MRPS25: variants seen among roughly 807,000 people sequenced by gnomAD.
MRPS25 encodes small ribosomal subunit protein mS25.
A neutral mutation model predicts 17.3 loss-of-function variants in MRPS25; 15 were observed. The observed-to-expected ratio is 0.87, with a 90% CI of 0.58 to 1.34. The LOEUF is 1.34. Ranked by LOEUF, MRPS25 falls within the 40% of genes most tolerant of loss-of-function variation. MRPS25 has a pLI of 0.00. For synonymous variants in MRPS25, 94 were observed against 83.3 expected (o/e 1.13, Z -0.70); for missense variants, 225 against 218.6 (o/e 1.03, Z -0.19).
chr3:15,046,066 T>C (rs1171653198), downstream of MRPS25: 1 of 152,246 alleles, frequency 6.6e-6, no homozygotes, highest in East Asian at 1.9e-4. Context: ...GTAATACTTT[T>C]CAAGTTACTC....
In MRPS25 at chr3:15,051,277, G is replaced by T. The variant is rs1055047329; in HGVS notation, c.*1164C>A. ...CATGATTCACTGCAGCCTTGATCTCGCAGGCTCGAGATCCTCCCACCTCAG... is the reference window on the plus strand; with the variant it reads ...CATGATTCACTGCAGCCTTGATCTCTCAGGCTCGAGATCCTCCCACCTCAG... On this transcript the variant is annotated 3_prime_UTR_variant, in exon 4 of 4. Transcript: ENST00000253686. 1 of 783,778 alleles carries T rather than the reference G, an allele frequency of 1.3e-6. No homozygotes were observed. The highest frequency in any genetic ancestry group is 1.5e-6 in the Non-Finnish European group (1 of 645,874). 48.6% of individuals were successfully genotyped at this position (783,778 alleles called of 1,614,324 possible). A position where few individuals can be genotyped will look rare whatever the true frequency, so the allele number is the denominator to read the frequency against.
chr3:15,055,337 A>T (rs1253269409), intron 2 of MRPS25, among the ~76,000 whole-genome samples: 1 of 152,330 alleles, frequency 6.6e-6, no homozygotes, highest in Non-Finnish European at 1.5e-5. Flanking sequence ...ATTTAACTAA[A>T]TTTTTGTAAA....
At chr3:15,062,908 A>G (rs2042798080) in intron 1 of MRPS25, among the ~76,000 whole-genome samples, 1 of 152,136 alleles carries the variant, frequency 6.6e-6, no homozygotes, top group African/African-American at 2.4e-5. Flanking sequence ...CCTAATCTCA[A>G]GTACCCAGGG....
chr3:15,058,828 G>A (rs1559328975), intron 2 of MRPS25, among the ~76,000 whole-genome samples: 1 of 152,012 alleles, frequency 6.6e-6, no homozygotes, highest in African/African-American at 2.4e-5. Context: ...GTTTTCCAGC[G>A]TGGAGCCAAA....
In MRPS25 at chr3:15,063,062, AG is replaced by A. The variant is rs1173472713; in HGVS notation, c.134+1998del. Among the ~76,000 whole-genome samples, 7 of 151,956 alleles carry A rather than the reference AG, an allele frequency of 4.6e-5. No individual in the cohort carries two copies. The East Asian group carries it at 1.2e-3, about 25-fold the overall frequency. The stretch of plus-strand genomic sequence containing the variant: ...ATGATCAATTGAAAAAAAAAAAAAA[AG>A]AAAGTTAATAATGGCAGGAACCTTG... On this transcript the variant is annotated intron_variant, in intron 1 of 3. Coordinates refer to ENST00000253686, the MANE Select transcript of MRPS25 (RefSeq NM_022497.5).
intron 2 of MRPS25, among the ~76,000 whole-genome samples, chr3:15,058,595 G>A (rs1474478308): frequency 2.0e-5 from 3 of 152,166 alleles, no homozygotes; most frequent in Non-Finnish European, 2.9e-5. Context: ...CCCAGCCTCC[G>A]GACCAGCACC....
Position 15,051,690 on chromosome 3 carries a change from C to A in MRPS25, c.*751G>T. 1.0e-6 allele frequency: 1 copy of A among 985,762 alleles called. No homozygotes were observed. Among genetic ancestry groups the A allele is most frequent in the Non-Finnish European group, 1.2e-6 (1 of 830,202 alleles). The allele number at this position is 985,762 out of a possible 1,614,324, so 61.1% of individuals were successfully genotyped here. On this transcript the variant is annotated 3_prime_UTR_variant, in exon 4 of 4. Coordinates refer to ENST00000253686, the MANE Select transcript of MRPS25 (RefSeq NM_022497.5). ...AGCAGAGCCAGCTATAGACACCATC[C>A]CCCCAGCAGGGCCCCAATGTCTCCA...
chr3:15,042,860 C>T (rs1559314810), downstream of MRPS25: 1 of 1,614,038 alleles, frequency 6.2e-7, no homozygotes, highest in Non-Finnish European at 8.5e-7. Flanking sequence ...GTTCGCCTGC[C>T]GGCACTCAGG....
chr3:15,047,000 G>GT (rs2042478221), downstream of MRPS25: 1 of 152,628 alleles, frequency 6.6e-6, no homozygotes, highest in African/African-American at 2.4e-5. Context: ...CCAGCCCTGG[G>GT]TCCCTTCAGC....
At chr3:15,057,243 G>C (rs1456333356) in intron 2 of MRPS25, among the ~76,000 whole-genome samples, 1 of 152,202 alleles carries the variant, frequency 6.6e-6, no homozygotes, top group Admixed American at 6.5e-5. Context: ...CCGCTGCGCT[G>C]GCCAACGCTC....
intron 2 of MRPS25, among the ~76,000 whole-genome samples, chr3:15,059,115 G>A (rs1467321050): frequency 6.6e-6 from 1 of 151,788 alleles, no homozygotes; most frequent in Non-Finnish European, 1.5e-5. Context: ...ACAGCCTGGT[G>A]TGACAAGGGA....
intron 1 of MRPS25, among the ~76,000 whole-genome samples, chr3:15,061,774 G>A (rs1474224582): frequency 4.0e-5 from 6 of 150,772 alleles, no homozygotes; most frequent in African/African-American, 9.8e-5. Context: ...TGTGGGGAGC[G>A]CCTTTGCCCC....
intron 2 of MRPS25, among the ~76,000 whole-genome samples, chr3:15,056,730 G>C (rs2042678088): frequency 6.6e-6 from 1 of 152,238 alleles, no homozygotes; most frequent in Non-Finnish European, 1.5e-5. Flanking sequence ...TCCAGCCCAT[G>C]CTGGACTTCT....
Position 15,065,252 on chromosome 3 carries a change from G to T in MRPS25, c.-58C>A, listed in dbSNP as rs970072260. On this transcript the variant is annotated 5_prime_UTR_variant, in exon 1 of 4. Coordinates refer to ENST00000253686, the MANE Select transcript of MRPS25 (RefSeq NM_022497.5). ...CCGCGAGCCGAGCAGCGACGAGAAA[G>T]GACTAGCTAGCACCCGCGCGGATCT... The T allele has an allele frequency of 3.3e-6, 5 of 1,515,992 alleles. No individual in the cohort carries two copies. In the East Asian group the frequency reaches 9.9e-5, roughly 30 times the overall value. The allele number at this position is 1,515,992 out of a possible 1,614,324, so 93.9% of individuals were successfully genotyped here. A position where few individuals can be genotyped will look rare whatever the true frequency, so the allele number is the denominator to read the frequency against.
At chr3:15,056,867 C>T (rs1327628553) in intron 2 of MRPS25, among the ~76,000 whole-genome samples, 2 of 152,226 alleles carry the variant, frequency 1.3e-5, no homozygotes, top group Non-Finnish European at 2.9e-5. Context: ...TGCTGGAACT[C>T]CACCCTGTGA....
intron 1 of MRPS25, among the ~76,000 whole-genome samples, chr3:15,061,445 T>G (rs866041955): frequency 1.4e-4 from 22 of 152,356 alleles, no homozygotes; most frequent in African/African-American, 4.1e-4. Context: ...CTCCAGCTCC[T>G]AACCGCGAGT....
chr3:15,057,243 G>A (rs1456333356), intron 2 of MRPS25, among the ~76,000 whole-genome samples: 2 of 152,202 alleles, frequency 1.3e-5, no homozygotes, highest in African/African-American at 4.8e-5. Flanking sequence ...CCGCTGCGCT[G>A]GCCAACGCTC....
At chr3:15,055,125 C>G (rs926077228) in intron 2 of MRPS25, among the ~76,000 whole-genome samples, 2 of 152,228 alleles carry the variant, frequency 1.3e-5, no homozygotes, top group Admixed American at 6.5e-5. Context: ...TTTAAACAGC[C>G]AGATCGCAAG....
Position 15,065,216 on chromosome 3 carries a change from G to A in MRPS25, c.-22C>T. 6.4e-7 allele frequency: 1 copy of A among 1,563,362 alleles called. No homozygotes were observed. Among genetic ancestry groups the A allele is most frequent in the Non-Finnish European group, 8.6e-7 (1 of 1,157,454 alleles). On this transcript the variant is annotated 5_prime_UTR_variant, in exon 1 of 4. Coordinates refer to ENST00000253686, the MANE Select transcript of MRPS25 (RefSeq NM_022497.5). ...GCATGGCGGCAACGGTGGCGGGGCCGACCCCACGGGCCGCGAGCCGAGCAG... is the reference window on the plus strand; with the variant it reads ...GCATGGCGGCAACGGTGGCGGGGCCAACCCCACGGGCCGCGAGCCGAGCAG...
Sources: allele counts gnomAD v4.1 joint callset (sites outside exome capture counted in the v4.1 genomes callset), GRCh38; gene constraint gnomAD v4.1.1; transcripts MANE v1.5; gene names NCBI Gene and HGNC (gene_info 2026-07-23, HGNC 2026-07-21).